NRG3: variants seen among roughly 807,000 people sequenced by gnomAD.
NRG3 encodes pro-neuregulin-3, membrane-bound isoform.
Under a neutral mutation model 66.9 loss-of-function variants are expected in NRG3, and 31 were observed. That is an observed-to-expected ratio of 0.46 (90% CI 0.35 to 0.63). The LOEUF is 0.63. NRG3 is among the 20% of genes least tolerant of loss of function. The probability of loss-of-function intolerance (pLI) is 0.00; values close to 1 mark genes in which losing one functional copy is unlikely to be tolerated. For synonymous variants in NRG3, 393 were observed against 359.4 expected (o/e 1.09, Z -1.06); for missense variants, 910 against 878.9 (o/e 1.04, Z -0.45).
intron 1 of NRG3, among the ~76,000 whole-genome samples, chr10:81,934,866 T>G (rs559753851): frequency 2.0e-5 from 3 of 152,326 alleles, no homozygotes; most frequent in Admixed American, 2.0e-4. Context: ...TGTATCATCT[T>G]CAGTAGCCTG....
intron 1 of NRG3, among the ~76,000 whole-genome samples, chr10:81,925,147 G>A (rs1846644436): frequency 6.6e-6 from 1 of 152,078 alleles, no homozygotes; most frequent in Admixed American, 6.6e-5. Context: ...AATTATACTG[G>A]CAGACATCAA....
intron 1 of NRG3, among the ~76,000 whole-genome samples, chr10:81,915,263 C>T (rs1845566034): frequency 6.6e-6 from 1 of 152,200 alleles, no homozygotes; most frequent in African/African-American, 2.4e-5. Context: ...CCCTCAAGTG[C>T]TTGTTGTAGG....
intron 2 of NRG3, among the ~76,000 whole-genome samples, chr10:82,568,796 T>C (rs1420596278): frequency 6.6e-6 from 1 of 151,882 alleles, no homozygotes; most frequent in African/African-American, 2.4e-5. Flanking sequence ...ACACTCATTG[T>C]GATGTAAATC....
intron 2 of NRG3, among the ~76,000 whole-genome samples, chr10:82,530,071 T>C (rs1268461462): frequency 6.6e-6 from 1 of 152,152 alleles, no homozygotes; most frequent in African/African-American, 2.4e-5. Context: ...TTTAGGGAGT[T>C]CATTCCAACG....
At chr10:82,899,609 T>C (rs1423040771) in intron 4 of NRG3, among the ~76,000 whole-genome samples, 15 of 152,214 alleles carry the variant, frequency 9.9e-5, no homozygotes. Context: ...TATTTAGTAA[T>C]AAAATTGTTA....
chr10:82,895,541 A>AG (rs1843575735), intron 4 of NRG3, among the ~76,000 whole-genome samples: 1 of 137,756 alleles, frequency 7.3e-6, no homozygotes, highest in Non-Finnish European at 1.5e-5. Flanking sequence ...CCCAGGCTGG[A>AG]GTGCAGTGGC....
chr10:82,741,838 C>T, intron 3 of NRG3, among the ~76,000 whole-genome samples: 1 of 152,190 alleles, frequency 6.6e-6, no homozygotes, highest in Middle Eastern at 3.4e-3. Context: ...CTCTAAATTC[C>T]ACTGACTGAA....
intron 1 of NRG3, among the ~76,000 whole-genome samples, chr10:82,009,982 G>C (rs367840680): frequency 2.0e-4 from 31 of 152,316 alleles, no homozygotes; most frequent in African/African-American, 7.2e-4. Context: ...AGCCATGCTT[G>C]TCTTTTCTCT....
chr10:82,646,487 C>T (rs1489177964), intron 2 of NRG3, among the ~76,000 whole-genome samples: 2 of 152,174 alleles, frequency 1.3e-5, no homozygotes, highest in African/African-American at 2.4e-5. Context: ...GCAAGTACAT[C>T]ATAGCATGTC....
chr10:82,083,910 C>T (rs2065555297), intron 1 of NRG3, among the ~76,000 whole-genome samples: 1 of 151,766 alleles, frequency 6.6e-6, no homozygotes, highest in Non-Finnish European at 1.5e-5. Context: ...AGCCACTGTG[C>T]CTGGACCATT....
intron 1 of NRG3, among the ~76,000 whole-genome samples, chr10:82,036,894 G>A (rs961566463): frequency 5.3e-5 from 8 of 152,114 alleles, no homozygotes; most frequent in African/African-American, 1.4e-4. Context: ...TTAACGAACA[G>A]GTCTTGGGGT....
intron 2 of NRG3, among the ~76,000 whole-genome samples, chr10:82,589,410 C>T (rs2046856565): frequency 6.6e-6 from 1 of 152,130 alleles, no homozygotes; most frequent in African/African-American, 2.4e-5. Flanking sequence ...ACCAGATGTT[C>T]TTTCAGGCAT....
intron 3 of NRG3, among the ~76,000 whole-genome samples, chr10:82,763,940 A>G (rs1317702746): frequency 1.3e-5 from 2 of 152,220 alleles, no homozygotes; most frequent in East Asian, 3.8e-4. Flanking sequence ...GAAGTAAAAT[A>G]TGTTAAAATT....
chr10:82,865,733 G>A (rs1840654545), intron 4 of NRG3, among the ~76,000 whole-genome samples: 1 of 152,096 alleles, frequency 6.6e-6, no homozygotes, highest in Non-Finnish European at 1.5e-5. Flanking sequence ...CTGTAAAATA[G>A]GGATAATAAT....
chr10:82,138,549 A>T (rs560362592), intron 1 of NRG3, among the ~76,000 whole-genome samples: 133 of 152,302 alleles, frequency 8.7e-4, no homozygotes, highest in African/African-American at 3.1e-3. Flanking sequence ...AACTAATAGG[A>T]TACATGTATA....
At chr10:82,911,666 AT>A (rs1375484138) in intron 4 of NRG3, among the ~76,000 whole-genome samples, 1 of 151,348 alleles carries the variant, frequency 6.6e-6, no homozygotes. Context: ...AGGTTTAACA[AT>A]TCTATTTATC....
intron 1 of NRG3, among the ~76,000 whole-genome samples, chr10:81,912,219 C>CATG (rs1008209374): frequency 4.6e-5 from 7 of 151,616 alleles, no homozygotes; most frequent in African/African-American, 1.2e-4. Context: ...TCATATAGGT[C>CATG]ATGATGATGA....
At chr10:81,932,827 G>A (rs1178496782) in intron 1 of NRG3, among the ~76,000 whole-genome samples, 1 of 152,054 alleles carries the variant, frequency 6.6e-6, no homozygotes, top group South Asian at 2.1e-4. Flanking sequence ...TGTTCTTTCT[G>A]GTCAGGCACG....
intron 2 of NRG3, among the ~76,000 whole-genome samples, chr10:82,679,369 C>T (rs1190319625): frequency 2.0e-5 from 3 of 152,112 alleles, no homozygotes; most frequent in African/African-American, 4.8e-5. Context: ...ATTTTTCTTA[C>T]TCTAGTGAAA....
Sources: gnomAD v4.1 joint callset for allele counts (sites outside exome capture counted in the v4.1 genomes callset) on GRCh38, gnomAD v4.1.1 for gene constraint, MANE v1.5 for transcripts, NCBI Gene and HGNC (gene_info 2026-07-23, HGNC 2026-07-21) for gene names.